The following CTNNA3 variants were observed in gnomAD, a reference collection of about 807,000 sequenced individuals.
CTNNA3 encodes the protein catenin alpha-3.
In CTNNA3, 76 loss-of-function variants were observed where a neutral mutation model predicts 95.7. The observed-to-expected ratio is 0.79, with a 90% CI of 0.66 to 0.96. The LOEUF (loss-of-function observed/expected upper bound fraction) is 0.96. CTNNA3 is among the 40% of genes least tolerant of loss of function. CTNNA3 has a pLI of 0.00. For missense variants in CTNNA3, 1,191 were observed against 1,089.8 expected (o/e 1.09, Z -1.31); for synonymous variants, 431 against 374.4 (o/e 1.15, Z -1.74).
intron 2 of CTNNA3, among the ~76,000 whole-genome samples, chr10:67,614,028 GA>G (rs1373808823): frequency 6.6e-6 from 1 of 152,198 alleles, no homozygotes; most frequent in East Asian, 1.9e-4. Flanking sequence ...AAGCGTGAAA[GA>G]ACAACACTTC....
At chr10:66,998,312 G>C (rs146467858) in intron 7 of CTNNA3, among the ~76,000 whole-genome samples, 1 of 152,164 alleles carries the variant, frequency 6.6e-6, no homozygotes, top group East Asian at 1.9e-4. Context: ...CTAGTTGCAG[G>C]AATAAAATTC....
chr10:67,430,080 C>T (rs1342156100), intron 5 of CTNNA3, among the ~76,000 whole-genome samples: 1 of 151,930 alleles, frequency 6.6e-6, no homozygotes, highest in Admixed American at 6.6e-5. Flanking sequence ...TGCCAAATCT[C>T]TTGTCCAAAT....
At chr10:67,176,976 A>G (rs774877249) in intron 7 of CTNNA3, 23 of 502,236 alleles carry the variant, frequency 4.6e-5, no homozygotes, top group South Asian at 1.9e-4. Flanking sequence ...CAGACTTTTG[A>G]TTACAGAGCT....
At chr10:66,249,636 C>A (rs554362315) in intron 13 of CTNNA3, among the ~76,000 whole-genome samples, 1 of 152,104 alleles carries the variant, frequency 6.6e-6, no homozygotes, top group Non-Finnish European at 1.5e-5. Context: ...ATAACAAATG[C>A]TAATGAGGAT....
chr10:66,311,677 C>A (rs926833164), intron 12 of CTNNA3, among the ~76,000 whole-genome samples: 2 of 152,126 alleles, frequency 1.3e-5, no homozygotes, highest in Admixed American at 1.3e-4. Context: ...CACAGTAATG[C>A]CAGAAGTTTT....
At chr10:67,008,080 G>GTT (rs200784412) in intron 7 of CTNNA3, among the ~76,000 whole-genome samples, 1 of 148,614 alleles carries the variant, frequency 6.7e-6, no homozygotes, top group South Asian at 2.1e-4. Flanking sequence ...CTTTTTTCTT[G>GTT]TTTTTTTTTA....
chr10:67,755,819 A>AAAAGAAAG (rs755236317), intron 1 of CTNNA3, among the ~76,000 whole-genome samples: 16 of 145,148 alleles, frequency 1.1e-4, no homozygotes, highest in East Asian at 2.0e-4. Flanking sequence ...AAAAAAAAAA[A>AAAAGAAAG]AAAGAAAGAA....
chr10:67,031,524 C>G (rs1199621054), intron 7 of CTNNA3, among the ~76,000 whole-genome samples: 4 of 152,068 alleles, frequency 2.6e-5, no homozygotes, highest in Non-Finnish European at 4.4e-5. Context: ...GGAATACTGC[C>G]AAGTAATGTC....
chr10:67,071,984 C>G (rs1158571869), intron 7 of CTNNA3, among the ~76,000 whole-genome samples: 1 of 152,144 alleles, frequency 6.6e-6, no homozygotes, highest in Admixed American at 6.6e-5. Flanking sequence ...GACACAGTCT[C>G]ATTCTGTTGC....
intron 15 of CTNNA3, among the ~76,000 whole-genome samples, chr10:66,021,581 G>T (rs2079209961): frequency 6.6e-6 from 1 of 152,078 alleles, no homozygotes. Context: ...TTATTTATAA[G>T]ATGCTAATTG....
At chr10:67,741,394 T>G (rs185085199) in intron 1 of CTNNA3, among the ~76,000 whole-genome samples, 2,508 of 142,188 alleles carry the variant, frequency 0.018, 104 homozygotes, top group African/African-American at 0.061. Flanking sequence ...GAATTTCATA[T>G]CCAGCCAAAC....
chr10:66,102,877 T>G (rs1213362415), intron 14 of CTNNA3, among the ~76,000 whole-genome samples: 1 of 152,192 alleles, frequency 6.6e-6, no homozygotes, highest in African/African-American at 2.4e-5. Flanking sequence ...AACATGTACA[T>G]ATTTCACTTT....
At chr10:67,368,058 CT>C (rs1564601297) in intron 5 of CTNNA3, among the ~76,000 whole-genome samples, 1 of 151,876 alleles carries the variant, frequency 6.6e-6, no homozygotes, top group Non-Finnish European at 1.5e-5. Flanking sequence ...GGGAAAAGGG[CT>C]TACAGAGCTC....
intron 9 of CTNNA3, among the ~76,000 whole-genome samples, chr10:66,677,985 C>T (rs1255934192): frequency 6.6e-6 from 1 of 152,110 alleles, no homozygotes; most frequent in African/African-American, 2.4e-5. Flanking sequence ...ATCCCTATGT[C>T]CATTCTGCCT....
intron 11 of CTNNA3, among the ~76,000 whole-genome samples, chr10:66,489,187 G>T (rs980841397): frequency 6.6e-6 from 1 of 152,264 alleles, no homozygotes; most frequent in Non-Finnish European, 1.5e-5. Flanking sequence ...CCAGAGGTCA[G>T]ATTATCAAAA....
chr10:66,599,526 C>G (rs545770306), intron 10 of CTNNA3, among the ~76,000 whole-genome samples: 11 of 151,996 alleles, frequency 7.2e-5, no homozygotes, highest in Non-Finnish European at 1.3e-4. Flanking sequence ...TTTGGATTAC[C>G]CATGAAATAT....
At chr10:65,995,698 G>A (rs796381250) in intron 15 of CTNNA3, among the ~76,000 whole-genome samples, 17 of 152,346 alleles carry the variant, frequency 1.1e-4, no homozygotes, top group African/African-American at 3.8e-4. Context: ...TAGCATGCAT[G>A]GCATGAGCAA....
intron 7 of CTNNA3, among the ~76,000 whole-genome samples, chr10:66,868,174 T>C (rs1844255503): frequency 6.8e-6 from 1 of 147,048 alleles, no homozygotes; most frequent in Non-Finnish European, 1.5e-5. Flanking sequence ...CTGACCAACA[T>C]GGTAAAACCC....
Position 65,913,612 on chromosome 10 carries a change from G to A in CTNNA3, c.*6718C>T, listed in dbSNP as rs1207546177. On this transcript the variant is annotated 3_prime_UTR_variant, in exon 18 of 18. Transcript: ENST00000433211. ...ACATGTAAAAATACAGCATTATAAT[G>A]GTATAAGATTTGGCAAGCAATGGAA... The A allele has an allele frequency of 1.3e-5, 2 of 152,020 alleles. No individual in the cohort carries two copies. The highest frequency in any genetic ancestry group is 1.5e-5 in the Non-Finnish European group (1 of 68,004). The allele number at this position is 152,020 out of a possible 1,614,324, so 9.4% of individuals were successfully genotyped here.
Sources: allele counts gnomAD v4.1 joint callset (sites outside exome capture counted in the v4.1 genomes callset), GRCh38; gene constraint gnomAD v4.1.1; transcripts MANE v1.5; gene names NCBI Gene and HGNC (gene_info 2026-07-23, HGNC 2026-07-21).